GPC3: variants seen among roughly 807,000 people sequenced by gnomAD.
The protein encoded by GPC3 is glypican-3.
GPC3 carries 3 observed loss-of-function variants against 34.4 expected under a neutral mutation model. The observed-to-expected ratio is 0.09, with a 90% CI of 0.04 to 0.23. The LOEUF is 0.23. Among genes scored for constraint, GPC3 ranks in the 10% least tolerant of loss-of-function variants. The pLI, the probability that GPC3 is intolerant of heterozygous loss-of-function variation, is 1.00. For synonymous variants in GPC3, 177 were observed against 174.0 expected, an observed-to-expected ratio of 1.02 and a Z score of -0.13; for missense variants, 351 against 445.6, an observed-to-expected ratio of 0.79 and a Z score of 1.91.
intron 2 of GPC3, among the ~76,000 whole-genome samples, chrX:133,891,799 C>CAAA (rs780717414): frequency 4.7e-5 from 2 of 42,190 alleles, no homozygotes; most frequent in Non-Finnish European, 9.0e-5. Flanking sequence ...GACCTTGTCT[C>CAAA]AAAAAAAAAA....
intron 2 of GPC3, among the ~76,000 whole-genome samples, chrX:133,827,858 T>C (rs1182816217): frequency 1.0e-5 from 1 of 97,159 alleles, no homozygotes; most frequent in African/African-American, 4.0e-5. Flanking sequence ...AGAGGGAGGA[T>C]CCCTTGAACC....
chrX:133,801,318 T>C (rs1462261360), intron 2 of GPC3, among the ~76,000 whole-genome samples: 9 of 111,618 alleles, frequency 8.1e-5, no homozygotes, highest in Non-Finnish European at 1.7e-4. Flanking sequence ...TTTCTACTTT[T>C]GGTCAGGTTC....
intron 7 of GPC3, among the ~76,000 whole-genome samples, chrX:133,566,787 A>G (rs1164816919): frequency 9.0e-6 from 1 of 111,363 alleles, no homozygotes; most frequent in African/African-American, 3.3e-5. Context: ...CACCAGATAC[A>G]CAGAGCCCAA....
intron 6 of GPC3, among the ~76,000 whole-genome samples, chrX:133,627,289 T>C (rs1160426501): frequency 1.8e-5 from 2 of 110,334 alleles, no homozygotes; most frequent in Non-Finnish European, 3.8e-5. Flanking sequence ...GCTGTGCACA[T>C]GTACCCTAAA....
chrX:133,837,498 T>C (rs1028943152), intron 2 of GPC3, among the ~76,000 whole-genome samples: 1 of 112,195 alleles, frequency 8.9e-6, no homozygotes, highest in African/African-American at 3.2e-5. Context: ...ATCATTCTTG[T>C]ATAATAACTG....
At chrX:133,608,050 C>T (rs1218204852) in intron 6 of GPC3, among the ~76,000 whole-genome samples, 1 of 112,520 alleles carries the variant, frequency 8.9e-6, no homozygotes, top group Non-Finnish European at 1.9e-5. Flanking sequence ...GAGTAAAGCT[C>T]AGTTTAAGGG....
At position 133,754,303 on chromosome X, in the gene GPC3, T is replaced by G. The variant is rs1049693368; in HGVS notation, c.338-127A>C. 5 of 507,565 alleles carry G rather than the reference T, an allele frequency of 9.9e-6. No individual in the cohort carries two copies. The African/African-American group carries it at 1.2e-4, about 12-fold the overall frequency. 41.8% of individuals were successfully genotyped at this position (507,565 alleles called of 1,213,427 possible). ...TAAGGTCCCATTTGCGTTAAATAAT[T>G]GACTCTCATTCATTTCTGGCATTGC... is the stretch of plus-strand genomic sequence containing the variant. On this transcript the variant is annotated intron_variant, in intron 2 of 7. Coordinates refer to ENST00000370818, the MANE Select transcript of GPC3 (RefSeq NM_004484.4).
At chrX:133,579,645 G>A (rs1451966921) in intron 7 of GPC3, among the ~76,000 whole-genome samples, 1 of 111,848 alleles carries the variant, frequency 8.9e-6, no homozygotes, top group East Asian at 2.8e-4. Flanking sequence ...CTGGGCTCAA[G>A]CGATCCTCTC....
intron 3 of GPC3, chrX:133,704,117 G>T: frequency 2.1e-6 from 1 of 469,007 alleles, no homozygotes; most frequent in Non-Finnish European, 3.3e-6. Flanking sequence ...AGTAGGCTGG[G>T]CATCAGGAAA....
At chrX:133,842,005 A>G (rs2075826578) in intron 2 of GPC3, among the ~76,000 whole-genome samples, 1 of 112,254 alleles carries the variant, frequency 8.9e-6, no homozygotes, top group African/African-American at 3.2e-5. Context: ...GGACCTTGTG[A>G]CCATGTAAGT....
At chrX:133,763,634 C>T in intron 2 of GPC3, 1 of 793,379 alleles carries the variant, frequency 1.3e-6, no homozygotes, top group Middle Eastern at 3.2e-4. Context: ...TCTGCCGCTT[C>T]CACTGCTCAG....
At chrX:133,736,112 T>C (rs1415412051) in intron 3 of GPC3, among the ~76,000 whole-genome samples, 1 of 111,682 alleles carries the variant, frequency 9.0e-6, no homozygotes, top group Non-Finnish European at 1.9e-5. Context: ...ATCTGGCCAA[T>C]AAGCACATGA....
intron 4 of GPC3, among the ~76,000 whole-genome samples, chrX:133,696,962 G>A (rs1456745373): frequency 4.5e-5 from 5 of 112,104 alleles, no homozygotes; most frequent in African/African-American, 1.6e-4. Context: ...CCCTTTGCAC[G>A]CATGAGCCAT....
At chrX:133,538,910 G>A (rs2069319067) in intron 7 of GPC3, among the ~76,000 whole-genome samples, 2 of 99,654 alleles carry the variant, frequency 2.0e-5, no homozygotes, top group Admixed American at 1.1e-4. Flanking sequence ...TTCTAGAGAC[G>A]GGGTTTTGCC....
chrX:133,903,590 AAAACAAACAAAC>A (rs544091440), intron 2 of GPC3, among the ~76,000 whole-genome samples: 20 of 112,212 alleles, frequency 1.8e-4, no homozygotes, highest in Non-Finnish European at 2.1e-4. Flanking sequence ...ACTCTGTCTG[AAAACAAACAAAC>A]AAACAAACAA....
At chrX:133,563,955 A>G (rs2069560737) in intron 7 of GPC3, among the ~76,000 whole-genome samples, 1 of 109,255 alleles carries the variant, frequency 9.2e-6, no homozygotes, top group Non-Finnish European at 1.9e-5. Context: ...AGCTTAGGCC[A>G]ACTCCAAATT....
chrX:133,943,015 A>G (rs2076351246), intron 2 of GPC3, among the ~76,000 whole-genome samples: 1 of 112,136 alleles, frequency 8.9e-6, no homozygotes, highest in Admixed American at 9.5e-5. Context: ...GTGTCTGATC[A>G]AATTCCTACA....
chrX:133,730,329 A>G (rs1264361742), intron 3 of GPC3, among the ~76,000 whole-genome samples: 1 of 111,962 alleles, frequency 8.9e-6, no homozygotes, highest in Non-Finnish European at 1.9e-5. Context: ...ATATATGTTG[A>G]CCTTTAATTG....
intron 3 of GPC3, among the ~76,000 whole-genome samples, chrX:133,738,829 G>A (rs2071535656): frequency 8.9e-6 from 1 of 111,904 alleles, no homozygotes; most frequent in Admixed American, 9.5e-5. Context: ...CTGCTTGGCT[G>A]TGAATCAATT....
Sources: allele counts gnomAD v4.1 joint callset (sites outside exome capture counted in the v4.1 genomes callset), GRCh38; gene constraint gnomAD v4.1.1; transcripts MANE v1.5; gene names NCBI Gene and HGNC (gene_info 2026-07-23, HGNC 2026-07-21).